Variants in ZNF692 observed in about 807,000 individuals in gnomAD.
ZNF692 encodes the protein zinc finger protein 692.
A neutral mutation model predicts 49.0 loss-of-function variants in ZNF692; 41 were observed. That is an observed-to-expected ratio of 0.84 (90% CI 0.65 to 1.08). The LOEUF is 1.08. Ranked by LOEUF, ZNF692 falls within the 50% of genes least tolerant of loss-of-function variation. The probability of loss-of-function intolerance (pLI) is 0.00; values close to 1 mark genes in which losing one functional copy is unlikely to be tolerated. For missense variants in ZNF692, 662 were observed against 662.2 expected (o/e 1.00, Z 0.00); for synonymous variants, 288 against 251.5 (o/e 1.15, Z -1.37).
chr1:248,854,012 A>C lies in ZNF692; in HGVS notation c.1078T>G (p.Ser360Ala). 1 of 1,614,204 alleles carries C rather than the reference A, an allele frequency of 6.2e-7. No homozygotes were observed. The highest frequency in any genetic ancestry group is 8.5e-7 in the Non-Finnish European group (1 of 1,180,032). ...TTCCCACAGGCTGGCTCTGGGCAGGAGAAAGACTTCTGGTGGATGTGCTGG... is the reference window on the plus strand; with the variant it reads ...TTCCCACAGGCTGGCTCTGGGCAGGCGAAAGACTTCTGGTGGATGTGCTGG... Reference protein sequence around the residue: ...KYQHIHQKSFSCPEPACGKSF... With the variant: ...KYQHIHQKSFACPEPACGKSF... Residue 360 changes from serine to alanine, a missense_variant, in exon 10 of 12, where the codon TCC becomes GCC. Transcript: ENST00000306601.
At chr1:248,851,541 A>G (rs1359224364) in intron 10 of ZNF692, among the ~76,000 whole-genome samples, 1 of 151,994 alleles carries the variant, frequency 6.6e-6, no homozygotes, top group Non-Finnish European at 1.5e-5. Flanking sequence ...AGACCGCACC[A>G]TCAGACCACA....
At position 248,850,260 on chromosome 1, in the gene ZNF692, A is replaced by G; in HGVS notation, c.1510T>C (p.Ser504Pro). Residue 504 changes from serine to proline, a missense_variant, in exon 12 of 12, where the codon TCC (serine) becomes CCC (proline). By Grantham distance (74) the Ser-to-Pro change is moderately conservative. Transcript: ENST00000306601. The stretch of plus-strand genomic sequence containing the variant: ...GCCTGAGGAGATGCAGAGGGCCTGG[A>G]CCCCTCGCTGGATCCCAGAGGCCCA... ...APGPLGSSEG[S>P]RPSASPQAPT... is the part of the protein sequence containing the mutation. 1 of 1,591,270 alleles carries G rather than the reference A, an allele frequency of 6.3e-7. No individual in the cohort carries two copies. Among genetic ancestry groups the G allele is most frequent in the Non-Finnish European group, 8.6e-7 (1 of 1,167,380 alleles).
Position 248,857,208 on chromosome 1 carries a change from C to T in ZNF692, c.475+26G>A, listed in dbSNP as rs780079112. On this transcript the variant is annotated intron_variant, in intron 4 of 11. Coordinates refer to ENST00000306601, the MANE Select transcript of ZNF692 (RefSeq NM_017865.4). ...GGAAACGTTTTTCCTCCCTTTTCTC[C>T]ATAACTCTGCTTTTTTCCAGCCTAC... The T allele has an allele frequency of 4.3e-5, 68 of 1,597,652 alleles. 1 individual carries two copies. The Admixed American group carries it at 1.1e-3, about 25-fold the overall frequency.
chr1:248,851,635 G>A (rs1341871973), intron 10 of ZNF692, among the ~76,000 whole-genome samples: 2 of 151,804 alleles, frequency 1.3e-5, no homozygotes, highest in East Asian at 3.9e-4. Context: ...CTCTACTCCT[G>A]TCAGCCACTA....
At chr1:248,856,482 T>G in intron 5 of ZNF692, 32 bp downstream of exon 5, 1 of 1,614,204 alleles carries the variant, frequency 6.2e-7, no homozygotes, top group Non-Finnish European at 8.5e-7. Flanking sequence ...ACCTATGCAA[T>G]TCCGCCTTTT....
At position 248,853,840 on chromosome 1, in the gene ZNF692, A is replaced by T. The variant is rs1659903741; in HGVS notation, c.1153+97T>A. 4 of 865,714 alleles carry T rather than the reference A, an allele frequency of 4.6e-6. No individual in the cohort carries two copies. In the Admixed American group the frequency reaches 6.7e-5, roughly 14 times the overall value. 53.6% of individuals were successfully genotyped at this position (865,714 alleles called of 1,614,324 possible). ...AGAGCGGGAGGTGACAGGACCCCGT[A>T]GAGGGGGAGGTGAAGAAACCCACAG... On this transcript the variant is annotated intron_variant, in intron 10 of 11. Transcript: ENST00000306601.
rs926440771 is a variant in ZNF692, at chr1:248,858,931, C to A, written c.-26G>T. 2 of 227,520 alleles carry A rather than the reference C, an allele frequency of 8.8e-6. No homozygotes were observed. Among genetic ancestry groups the A allele is most frequent in the Non-Finnish European group, 1.8e-5 (2 of 111,936 alleles). The allele number at this position is 227,520 out of a possible 1,614,324, so 14.1% of individuals were successfully genotyped here. ...CCCCGGCCTTACCTGTGCGCCCCCACGCGCCCTCACCCCCACTGCGCCTGC... is the reference window on the plus strand; with the variant it reads ...CCCCGGCCTTACCTGTGCGCCCCCAAGCGCCCTCACCCCCACTGCGCCTGC... On this transcript the variant is annotated 5_prime_UTR_variant, in exon 1 of 12. Transcript: ENST00000306601. This position sits in a 1 kb window ranked among gnomAD's most constrained non-coding sequence, Gnocchi z 4.3.
At chr1:248,855,080 G>T (rs1012943533) in intron 9 of ZNF692, among the ~76,000 whole-genome samples, 5 of 152,114 alleles carry the variant, frequency 3.3e-5, no homozygotes, top group Non-Finnish European at 7.4e-5. Context: ...CTCAAGCCAG[G>T]ATATGTGGCA....
At position 248,850,217 on chromosome 1, in the gene ZNF692, T is replaced by G; in HGVS notation, c.1553A>C (p.Gln518Pro). 1 of 1,522,586 alleles carries G rather than the reference T, an allele frequency of 6.6e-7. No individual in the cohort carries two copies. Among genetic ancestry groups the G allele is most frequent in the South Asian group, 1.3e-5 (1 of 76,524 alleles). 94.3% of individuals were successfully genotyped at this position (1,522,586 alleles called of 1,614,324 possible). Reference sequence around the variant, plus strand: ...CCAAAGCTGGAGGAGAGCTCATTGCTGAGGAAGCAGGGTTGGAGCCTGAGG... The same window carrying G: ...CCAAAGCTGGAGGAGAGCTCATTGCGGAGGAAGCAGGGTTGGAGCCTGAGG... ...ASPQAPTLLP[Q>P]Q Residue 518 changes from glutamine to proline, a missense_variant, in exon 12 of 12, where the codon CAG (glutamine) becomes CCG (proline). Coordinates refer to ENST00000306601, the MANE Select transcript of ZNF692 (RefSeq NM_017865.4).
chr1:248,851,808 A>G (rs1004943035), intron 10 of ZNF692, among the ~76,000 whole-genome samples: 2 of 152,186 alleles, frequency 1.3e-5, no homozygotes, highest in Non-Finnish European at 2.9e-5. Flanking sequence ...AAAAAAAAGA[A>G]ATTGTGATTT....
At chr1:248,851,269 C>A (rs1659553374) in intron 10 of ZNF692, among the ~76,000 whole-genome samples, 1 of 152,082 alleles carries the variant, frequency 6.6e-6, no homozygotes, top group Admixed American at 6.6e-5. Context: ...GCTTGCATAT[C>A]CCACCTGTCC....
intron 6 of ZNF692, 119 bp from the exon 7 acceptor site, chr1:248,856,065 T>C (rs779956211): frequency 8.1e-7 from 1 of 1,233,702 alleles, no homozygotes; most frequent in Non-Finnish European, 1.1e-6. Flanking sequence ...ACCCCCACCC[T>C]AGGCTCCCCA....
intron 10 of ZNF692, among the ~76,000 whole-genome samples, chr1:248,852,069 C>T (rs1487541031): frequency 1.3e-5 from 2 of 152,228 alleles, no homozygotes; most frequent in Non-Finnish European, 2.9e-5. Flanking sequence ...TGTTCCGGGC[C>T]TGCACATGTG....
chr1:248,850,976 A>G (rs1337516330), intron 10 of ZNF692, 195 bp from the exon 11 acceptor site: 1 of 699,638 alleles, frequency 1.4e-6, no homozygotes, highest in South Asian at 1.5e-5. Flanking sequence ...CAAGTAAGAT[A>G]CGAACCCAGC....
chr1:248,850,163 T>C lies in ZNF692; in HGVS notation c.*47A>G. On this transcript the variant is annotated 3_prime_UTR_variant, in exon 12 of 12. Transcript: ENST00000306601. The stretch of plus-strand genomic sequence containing the variant: ...GCAGACCCTCTCCTTGTTGCTCCTT[T>C]TCAGTCCCTGGAGTCTGGCTTCCCA... 1 of 1,505,328 alleles carries C rather than the reference T, an allele frequency of 6.6e-7. No homozygotes were observed. Among genetic ancestry groups the C allele is most frequent in the Non-Finnish European group, 8.9e-7 (1 of 1,127,352 alleles). 93.2% of individuals were successfully genotyped at this position (1,505,328 alleles called of 1,614,324 possible).
At position 248,858,034 on chromosome 1, in the gene ZNF692, C is replaced by T; in HGVS notation, c.179+97G>A. The T allele has an allele frequency of 6.5e-7, 1 of 1,546,330 alleles. No individual in the cohort carries two copies. Among genetic ancestry groups the T allele is most frequent in the East Asian group, 2.4e-5 (1 of 41,782 alleles). On this transcript the variant is annotated intron_variant, in intron 2 of 11. Coordinates refer to ENST00000306601, the MANE Select transcript of ZNF692 (RefSeq NM_017865.4). This position sits in a 1 kb window ranked among gnomAD's most constrained non-coding sequence, Gnocchi z 4.3. ...CAGGCCGTCCTGGTAAAGTGAGAAA[C>T]CTGAGGGTGGAAAAGAGCAGCAGGA...
In ZNF692 at chr1:248,858,625, G is replaced by A; in HGVS notation, c.-13+293C>T. 1 of 1,466,228 alleles carries A rather than the reference G, an allele frequency of 6.8e-7. No homozygotes were observed. The highest frequency in any genetic ancestry group is 2.5e-5 in the East Asian group (1 of 40,528). 90.8% of individuals were successfully genotyped at this position (1,466,228 alleles called of 1,614,324 possible). A position where few individuals can be genotyped will look rare whatever the true frequency, so the allele number is the denominator to read the frequency against. ...GGGAAGGGGCGAGAGACTTTCACGG[G>A]AAATTTCAACTGGGCTGGGGGCGGT... On this transcript the variant is annotated intron_variant, in intron 1 of 11. Coordinates refer to ENST00000306601, the MANE Select transcript of ZNF692 (RefSeq NM_017865.4). The surrounding 1 kb of genome is among the most constrained non-coding windows in gnomAD (Gnocchi z 4.3).
In ZNF692 at chr1:248,850,743, A is replaced by T; in HGVS notation, c.1192T>A (p.Phe398Ile). 1 of 1,614,102 alleles carries T rather than the reference A, an allele frequency of 6.2e-7. No homozygotes were observed. The part of the protein sequence containing the change: ...DYICEFCARS[F>I]RTSSNLVIHR... ...ATGACAAGGTTGCTGCTAGTGCGGA[A>T]AGACCGGGCGCAGAACTCACAGATG... is the stretch of plus-strand genomic sequence containing the variant. The change falls in exon 11 of 12, where the codon TTC (phenylalanine) becomes ATC (isoleucine). Residue 398 changes from phenylalanine to isoleucine, a missense_variant. Transcript: ENST00000306601.
In ZNF692 at chr1:248,858,708, G is replaced by C; in HGVS notation, c.-13+210C>G. The C allele has an allele frequency of 1.3e-6, 1 of 749,768 alleles. No homozygotes were observed. Among genetic ancestry groups the C allele is most frequent in the African/African-American group, 1.7e-5 (1 of 57,726 alleles). The allele number at this position is 749,768 out of a possible 1,614,324, so 46.4% of individuals were successfully genotyped here. On this transcript the variant is annotated intron_variant, in intron 1 of 11. Transcript: ENST00000306601. The surrounding 1 kb of genome is among the most constrained non-coding windows in gnomAD (Gnocchi z 4.3). ...TTTACTGGTTTCTAGGGGAAGGAAA[G>C]GTCGTGTCCTGGCGTGCAGCTGGGG...
Sources: allele counts gnomAD v4.1 joint callset (sites outside exome capture counted in the v4.1 genomes callset), GRCh38; gene constraint gnomAD v4.1.1; non-coding constraint Gnocchi (gnomAD v3.1); transcripts MANE v1.5; gene names NCBI Gene and HGNC (gene_info 2026-07-23, HGNC 2026-07-21).